The following SEMA6D variants were observed in gnomAD, a reference collection of about 807,000 sequenced individuals.
SEMA6D encodes the protein semaphorin-6D.
A neutral mutation model predicts 106.6 loss-of-function variants in SEMA6D; 35 were observed. That is an observed-to-expected ratio of 0.33 (90% CI 0.25 to 0.44). The LOEUF is 0.44. SEMA6D is among the 20% of genes least tolerant of loss of function. The pLI is 1.00. For synonymous variants in SEMA6D, 499 were observed against 487.7 expected (o/e 1.02, Z -0.31); for missense variants, 1,185 against 1,345.9 (o/e 0.88, Z 1.87).
intron 4 of SEMA6D, among the ~76,000 whole-genome samples, chr15:47,680,229 A>G (rs555349910): frequency 1.9e-4 from 29 of 152,246 alleles, no homozygotes; most frequent in Non-Finnish European, 3.5e-4. Flanking sequence ...TCACATGTTC[A>G]TAATCTTCAT....
At chr15:47,440,913 A>G (rs2041862460) in intron 2 of SEMA6D, among the ~76,000 whole-genome samples, 1 of 152,084 alleles carries the variant, frequency 6.6e-6, no homozygotes, top group Non-Finnish European at 1.5e-5. Flanking sequence ...TTATATTTAT[A>G]ATTCTTTCTT....
chr15:47,203,127 C>T (rs1290158557), intron 1 of SEMA6D, among the ~76,000 whole-genome samples: 1 of 152,082 alleles, frequency 6.6e-6, no homozygotes, highest in Non-Finnish European at 1.5e-5. Context: ...TTGATACCAC[C>T]TTTCACTATT....
At chr15:47,678,487 C>CCTTA (rs1465295234) in intron 4 of SEMA6D, among the ~76,000 whole-genome samples, 1 of 152,082 alleles carries the variant, frequency 6.6e-6, no homozygotes, top group African/African-American at 2.4e-5. Flanking sequence ...TTTGTTTGAT[C>CCTTA]CTTACATCAA....
At position 47,557,118 on chromosome 15, in the gene SEMA6D, A is replaced by G. The variant is rs531297273; in HGVS notation, c.-86-43747A>G. Among the ~76,000 whole-genome samples the G allele has an allele frequency of 3.9e-5, 6 of 152,298 alleles. No homozygotes were observed. In the East Asian group the frequency reaches 1.2e-3, roughly 29 times the overall value. Reference sequence around the variant, plus strand: ...ATTACTTATAGTACCCTCGGAGACTACAGGAGGGGCCGGTGTGGTGCAGAG... The same window carrying G: ...ATTACTTATAGTACCCTCGGAGACTGCAGGAGGGGCCGGTGTGGTGCAGAG... On this transcript the variant is annotated intron_variant, in intron 3 of 19. Transcript: ENST00000558014.
chr15:47,711,778 G>A (rs748373153), intron 4 of SEMA6D, among the ~76,000 whole-genome samples: 1 of 150,998 alleles, frequency 6.6e-6, no homozygotes, highest in African/African-American at 2.5e-5. Flanking sequence ...GGAAAGAAAA[G>A]ATTGTTTTCA....
chr15:47,316,051 A>C (rs999690922), intron 1 of SEMA6D, among the ~76,000 whole-genome samples: 2 of 147,972 alleles, frequency 1.4e-5, no homozygotes, highest in Non-Finnish European at 3.0e-5. Flanking sequence ...TGGCATCTGT[A>C]AACAAGGACA....
At chr15:47,452,208 G>A (rs1473320732) in intron 2 of SEMA6D, among the ~76,000 whole-genome samples, 3 of 151,720 alleles carry the variant, frequency 2.0e-5, no homozygotes, top group Middle Eastern at 6.8e-3. Context: ...TGATAATAAC[G>A]ATGAGGCAAA....
chr15:47,582,541 G>A (rs2076273042), intron 3 of SEMA6D, among the ~76,000 whole-genome samples: 1 of 152,136 alleles, frequency 6.6e-6, no homozygotes, highest in South Asian at 2.1e-4. Flanking sequence ...GTGTGAAGAG[G>A]CTGCTGGGTG....
At chr15:47,418,106 A>G (rs1214568803) in intron 2 of SEMA6D, among the ~76,000 whole-genome samples, 1 of 152,130 alleles carries the variant, frequency 6.6e-6, no homozygotes, top group Non-Finnish European at 1.5e-5. Flanking sequence ...TGAACTTTAC[A>G]TGGAGTGGCC....
At chr15:47,184,651 C>T (rs962494086) in intron 1 of SEMA6D, among the ~76,000 whole-genome samples, 5 of 152,124 alleles carry the variant, frequency 3.3e-5, no homozygotes, top group Admixed American at 6.5e-5. Flanking sequence ...GTTGTTGGCA[C>T]TGATAAGACC....
In SEMA6D at chr15:47,379,945, C is replaced by T. The variant is rs189227463; in HGVS notation, c.-238-32448C>T. On this transcript the variant is annotated intron_variant, in intron 1 of 19. Coordinates refer to the SEMA6D transcript ENST00000558014. ...GCTAATTTTGTACTTTTAGTAGAGA[C>T]GGGGTTTCTCCATGTTGGTCAGGCT... 3.7e-4 allele frequency among the ~76,000 whole-genome samples: 56 copies of T among 152,078 alleles called. 1 individual carries two copies. The East Asian group carries it at 7.2e-3, about 20-fold the overall frequency.
intron 15 of SEMA6D, 160 bp from the exon 16 acceptor site, chr15:47,766,456 A>C: frequency 1.5e-6 from 1 of 679,502 alleles, no homozygotes; most frequent in East Asian, 2.7e-5. Context: ...TTTTTAACAG[A>C]AATAGTCATT....
intron 2 of SEMA6D, among the ~76,000 whole-genome samples, chr15:47,435,752 C>T (rs1318937096): frequency 6.6e-6 from 1 of 152,056 alleles, no homozygotes; most frequent in Non-Finnish European, 1.5e-5. Context: ...TCTTTATATA[C>T]TTTAAAGAAA....
At chr15:47,594,491 G>T (rs2076499737) in intron 3 of SEMA6D, among the ~76,000 whole-genome samples, 1 of 152,174 alleles carries the variant, frequency 6.6e-6, no homozygotes, top group African/African-American at 2.4e-5. Flanking sequence ...ATCATTGAGA[G>T]AATTTGCAGG....
chr15:47,661,864 C>A (rs1432110348), intron 4 of SEMA6D, among the ~76,000 whole-genome samples: 1 of 152,228 alleles, frequency 6.6e-6, no homozygotes, highest in Non-Finnish European at 1.5e-5. Flanking sequence ...TTCAAACACT[C>A]TTATTGTCCC....
chr15:47,571,589 T>A (rs2046384708), intron 3 of SEMA6D, among the ~76,000 whole-genome samples: 2 of 152,246 alleles, frequency 1.3e-5, no homozygotes, highest in Non-Finnish European at 2.9e-5. Context: ...TGCCGAGAAC[T>A]ATTTTGTGGC....
intron 2 of SEMA6D, among the ~76,000 whole-genome samples, chr15:47,419,543 G>A (rs566963615): frequency 5.9e-5 from 9 of 152,172 alleles, no homozygotes; most frequent in African/African-American, 2.2e-4. Context: ...GAGTTTTATT[G>A]AGGAAGAAGG....
rs185307084 is a variant in SEMA6D, at chr15:47,253,169, T to A, written c.-239+68751T>A. ...GTGATTTGTATTTGTATTTACCTAA[T>A]GATTAGTGATTTACCTAATGATTAT... On this transcript the variant is annotated intron_variant, in intron 1 of 19. Transcript: ENST00000558014. 3.3e-5 allele frequency among the ~76,000 whole-genome samples: 5 copies of A among 152,326 alleles called. No individual in the cohort carries two copies. The East Asian group carries it at 9.6e-4, about 29-fold the overall frequency.
intron 1 of SEMA6D, among the ~76,000 whole-genome samples, chr15:47,749,017 G>C (rs538170382): frequency 1.5e-5 from 2 of 134,806 alleles, no homozygotes; most frequent in African/African-American, 5.1e-5. Context: ...AAACACAAGT[G>C]CCTGAGAAGA....
Sources: allele counts gnomAD v4.1 joint callset (sites outside exome capture counted in the v4.1 genomes callset), GRCh38; gene constraint gnomAD v4.1.1; transcripts MANE v1.5; gene names NCBI Gene and HGNC (gene_info 2026-07-23, HGNC 2026-07-21).